The following HCN1 variants were observed in gnomAD, a reference collection of about 807,000 sequenced individuals.
The protein encoded by HCN1 is hyperpolarization activated cyclic nucleotide gated potassium channel 1.
HCN1 carries 13 observed loss-of-function variants against 78.9 expected under a neutral mutation model. That is an observed-to-expected ratio of 0.16 (90% CI 0.11 to 0.26). The LOEUF is 0.26. Ranked by LOEUF, HCN1 falls within the 10% of genes least tolerant of loss-of-function variation. HCN1 has a pLI of 1.00. For missense variants in HCN1, 810 were observed against 1,154.3 expected, an observed-to-expected ratio of 0.70 and a Z score of 4.32; for synonymous variants, 552 against 455.5, an observed-to-expected ratio of 1.21 and a Z score of -2.70.
rs375497741 is a variant in HCN1, at chr5:45,601,553, AG to A, written c.849+43631del. On this transcript the variant is annotated intron_variant, in intron 2 of 7. Transcript: ENST00000303230. ...ACTTTAAATAAATCAGATTGGAGTA[AG>A]GGCCTAAGATGTGTTCCTGTGAGGA... 3.0e-4 allele frequency among the ~76,000 whole-genome samples: 45 copies of A among 152,268 alleles called. 1 individual carries two copies. The East Asian group carries it at 6.6e-3, about 22-fold the overall frequency.
intron 7 of HCN1, among the ~76,000 whole-genome samples, chr5:45,264,343 G>C (rs994975488): frequency 6.6e-6 from 1 of 152,168 alleles, no homozygotes; most frequent in African/African-American, 2.4e-5. Context: ...AGAATGAATA[G>C]TGGATTGGTG....
At chr5:45,653,009 A>G (rs1316005921) in intron 1 of HCN1, among the ~76,000 whole-genome samples, 1 of 152,050 alleles carries the variant, frequency 6.6e-6, no homozygotes, top group African/African-American at 2.4e-5. Context: ...TATATCCACT[A>G]GACTTTCCTA....
In HCN1 at chr5:45,377,918, G is replaced by C. The variant is rs971545008; in HGVS notation, c.1230+18574C>G. 3.3e-5 allele frequency among the ~76,000 whole-genome samples: 5 copies of C among 151,956 alleles called. No individual in the cohort carries two copies. The Admixed American group carries it at 3.3e-4, about 10-fold the overall frequency. On this transcript the variant is annotated intron_variant, in intron 4 of 7. Transcript: ENST00000303230. ...TATTTATATAGAATAGAAGAGGTCA[G>C]ATGATATTAAGAAAGGGGATCTCCT... is the stretch of plus-strand genomic sequence containing the variant.
At chr5:45,381,749 C>T (rs1356650642) in intron 4 of HCN1, among the ~76,000 whole-genome samples, 1 of 152,148 alleles carries the variant, frequency 6.6e-6, no homozygotes, top group Non-Finnish European at 1.5e-5. Flanking sequence ...CAAGCCCAGA[C>T]CATCACATCT....
intron 4 of HCN1, among the ~76,000 whole-genome samples, chr5:45,390,256 G>T (rs185698627): frequency 8.5e-5 from 13 of 152,200 alleles, no homozygotes; most frequent in Admixed American, 8.5e-4. Context: ...TGTCAATGTG[G>T]GTTCTTATCA....
rs1744972847 is a variant in HCN1, at chr5:45,272,138, GATTA to G, written c.1619-4889_1619-4886del. Among the ~76,000 whole-genome samples the G allele has an allele frequency of 2.6e-5, 4 of 152,050 alleles. No homozygotes were observed. The South Asian group carries it at 8.3e-4, about 32-fold the overall frequency. On this transcript the variant is annotated intron_variant, in intron 6 of 7. Coordinates refer to ENST00000303230, the MANE Select transcript of HCN1 (RefSeq NM_021072.4). ...TTAGATTTCATGAATTGAATGTCCA[GATTA>G]ATTTTCTCTTGATACAATATTAAGC...
At chr5:45,333,818 T>A (rs932900849) in intron 5 of HCN1, among the ~76,000 whole-genome samples, 2 of 151,850 alleles carry the variant, frequency 1.3e-5, no homozygotes, top group Middle Eastern at 6.8e-3. Flanking sequence ...GTGGTTGCAC[T>A]AATTACATTC....
At chr5:45,454,393 T>C (rs1413314422) in intron 3 of HCN1, among the ~76,000 whole-genome samples, 1 of 151,568 alleles carries the variant, frequency 6.6e-6, no homozygotes, top group Non-Finnish European at 1.5e-5. Context: ...ACTTTATTAT[T>C]ATAACTCATA....
intron 3 of HCN1, among the ~76,000 whole-genome samples, chr5:45,459,477 G>T (rs1246845054): frequency 6.8e-6 from 1 of 147,098 alleles, no homozygotes; most frequent in East Asian, 2.0e-4. Flanking sequence ...TATTAAAAAA[G>T]GTTGAAGGTT....
chr5:45,344,062 G>A (rs932521045), intron 5 of HCN1, among the ~76,000 whole-genome samples: 2 of 151,986 alleles, frequency 1.3e-5, no homozygotes, highest in African/African-American at 2.4e-5. Context: ...GCATGGTAGG[G>A]GAGGCCTCAG....
At chr5:45,327,741 G>T (rs191222409) in intron 5 of HCN1, among the ~76,000 whole-genome samples, 1 of 151,524 alleles carries the variant, frequency 6.6e-6, no homozygotes, top group East Asian at 2.0e-4. Context: ...AATCTGACTG[G>T]CTGACTGGCG....
chr5:45,658,938 G>C (rs1405925095), intron 1 of HCN1, among the ~76,000 whole-genome samples: 1 of 144,444 alleles, frequency 6.9e-6, no homozygotes, highest in Non-Finnish European at 1.5e-5. Context: ...AGCTCGAACT[G>C]GGTGGAGCCC....
At chr5:45,277,695 CTGA>C (rs1465052828) in intron 6 of HCN1, among the ~76,000 whole-genome samples, 1 of 152,044 alleles carries the variant, frequency 6.6e-6, no homozygotes, top group African/African-American at 2.4e-5. Context: ...TTAAAAATCT[CTGA>C]TAACTGGTTC....
intron 3 of HCN1, among the ~76,000 whole-genome samples, chr5:45,419,581 G>A (rs1740186654): frequency 6.6e-6 from 1 of 152,098 alleles, no homozygotes. Flanking sequence ...TTTTGTTCAG[G>A]AAATTGACCT....
chr5:45,510,689 T>G (rs989809021), intron 2 of HCN1, among the ~76,000 whole-genome samples: 1 of 152,090 alleles, frequency 6.6e-6, no homozygotes, highest in Non-Finnish European at 1.5e-5. Flanking sequence ...AGGACCTGAT[T>G]CTACCATGTT....
intron 3 of HCN1, among the ~76,000 whole-genome samples, chr5:45,424,785 T>C (rs1740312688): frequency 6.6e-6 from 1 of 152,168 alleles, no homozygotes; most frequent in Non-Finnish European, 1.5e-5. Context: ...TTAGATTAAA[T>C]AAACAATGCG....
At chr5:45,560,420 G>A (rs949695653) in intron 2 of HCN1, among the ~76,000 whole-genome samples, 6 of 151,766 alleles carry the variant, frequency 4.0e-5, no homozygotes, top group African/African-American at 1.2e-4. Context: ...ATTTCTAAAC[G>A]GTCATATTTC....
intron 5 of HCN1, among the ~76,000 whole-genome samples, chr5:45,318,889 T>A (rs2111932133): frequency 6.6e-6 from 1 of 152,130 alleles, no homozygotes; most frequent in East Asian, 1.9e-4. Context: ...TATTCTGATT[T>A]CTATCACTAC....
intron 2 of HCN1, among the ~76,000 whole-genome samples, chr5:45,589,612 A>T (rs1023589238): frequency 1.3e-5 from 2 of 152,242 alleles, no homozygotes; most frequent in African/African-American, 4.8e-5. Context: ...GGCAGAACAC[A>T]AATTTTAAAC....
Sources: gnomAD v4.1 joint callset for allele counts (sites outside exome capture counted in the v4.1 genomes callset) on GRCh38, gnomAD v4.1.1 for gene constraint, MANE v1.5 for transcripts, NCBI Gene and HGNC (gene_info 2026-07-23, HGNC 2026-07-21) for gene names.